Variants in TP73 observed in about 807,000 individuals in gnomAD.
The protein encoded by TP73 is tumor protein p73.
TP73 carries 25 observed loss-of-function variants against 62.5 expected under a neutral mutation model. The observed-to-expected ratio is 0.40, with a 90% confidence interval of 0.29 to 0.56. The LOEUF (loss-of-function observed/expected upper bound fraction) is 0.56, where lower values mean the gene tolerates loss of function less well. TP73 is among the 20% of genes least tolerant of loss of function. The probability of loss-of-function intolerance (pLI) is 0.46; values close to 1 mark genes in which losing one functional copy is unlikely to be tolerated. For synonymous variants in TP73, 423 were observed against 377.5 expected (o/e 1.12, Z -1.40); for missense variants, 754 against 913.3 (o/e 0.83, Z 2.25).
intron 3 of TP73, among the ~76,000 whole-genome samples, chr1:3,685,351 T>C (rs1259356746): frequency 6.6e-6 from 1 of 152,124 alleles, no homozygotes; most frequent in Non-Finnish European, 1.5e-5. Context: ...AGGGTGACAG[T>C]GGGAGCCTCG....
rs967366512 is a variant in TP73, at chr1:3,699,026, C to T, written c.187-8523C>T. Among the ~76,000 whole-genome samples the T allele has an allele frequency of 4.0e-5, 6 of 148,490 alleles. No individual in the cohort carries two copies. The highest frequency in any genetic ancestry group is 7.4e-5 in the Non-Finnish European group (5 of 67,982). ...ATTGGGCAAGGCCTCGCCTCAGCCC[C>T]GGGTGAGAGCAGAGGGTGCTGTGGG... On this transcript the variant is annotated intron_variant, in intron 3 of 13. Transcript: ENST00000378295. The surrounding 1 kb of genome is among the most constrained non-coding windows in gnomAD (Gnocchi z 4.1).
Position 3,701,178 on chromosome 1 carries a change from C to T in TP73, c.187-6371C>T, listed in dbSNP as rs922134655. ...CTGGCTATCTGGACACCTCGGGGAACAGGAGAGACCCCGACCCCTGTGAGC... is the reference window on the plus strand; with the variant it reads ...CTGGCTATCTGGACACCTCGGGGAATAGGAGAGACCCCGACCCCTGTGAGC... On this transcript the variant is annotated intron_variant, in intron 3 of 13. Transcript: ENST00000378295. The surrounding 1 kb of genome is among the most constrained non-coding windows in gnomAD (Gnocchi z 4.7). Among the ~76,000 whole-genome samples the T allele has an allele frequency of 5.3e-5, 8 of 152,314 alleles. No homozygotes were observed. Among genetic ancestry groups the T allele is most frequent in the African/African-American group, 1.9e-4 (8 of 41,570 alleles).
chr1:3,697,614 G>A lies in TP73; in HGVS notation c.187-9935G>A, dbSNP rs143661546. On this transcript the variant is annotated intron_variant, in intron 3 of 13. Transcript: ENST00000378295. Reference sequence around the variant, plus strand: ...TTTACTGTCGTCAGCATGGAGGGCCGGGGTCGTGTCTCGTGCCGGCTGCCA... The same window carrying A: ...TTTACTGTCGTCAGCATGGAGGGCCAGGGTCGTGTCTCGTGCCGGCTGCCA... Among the ~76,000 whole-genome samples, 821 of 152,358 alleles carry A rather than the reference G, an allele frequency of 5.4e-3. 3 individuals carry two copies. Among genetic ancestry groups the A allele is most frequent in the Non-Finnish European group, 8.8e-3 (599 of 68,032 alleles).
chr1:3,664,211 G>A (rs750845199), intron 1 of TP73, among the ~76,000 whole-genome samples: 13 of 152,336 alleles, frequency 8.5e-5, no homozygotes, highest in East Asian at 3.9e-4. Flanking sequence ...GGCCTGAGCC[G>A]GCAGGGCTTC....
At chr1:3,693,607 A>G (rs1014669130) in intron 3 of TP73, among the ~76,000 whole-genome samples, 14 of 152,208 alleles carry the variant, frequency 9.2e-5, no homozygotes, top group Middle Eastern at 3.4e-3. Flanking sequence ...GCGGGGCCCA[A>G]TGGGAGCCAC....
rs943028267 is a variant in TP73, at chr1:3,699,652, C to T, written c.187-7897C>T. On this transcript the variant is annotated intron_variant, in intron 3 of 13. Coordinates refer to ENST00000378295, the MANE Select transcript of TP73 (RefSeq NM_005427.4). This position sits in a 1 kb window ranked among gnomAD's most constrained non-coding sequence, Gnocchi z 4.1. ...GATGAAGAAGAGCATGTCTCTGCCC[C>T]GTCTGGAGCTCCCGGTTCCTGTCCT... Among the ~76,000 whole-genome samples the T allele has an allele frequency of 6.6e-6, 1 of 152,208 alleles. No individual in the cohort carries two copies.
chr1:3,682,514 G>A (rs1645549242), intron 2 of TP73, 84 bp downstream of exon 2: 1 of 1,308,090 alleles, frequency 7.6e-7, no homozygotes, highest in Non-Finnish European at 1.0e-6. Flanking sequence ...TGGGCTAACT[G>A]GGCCAGAGCA....
intron 3 of TP73, among the ~76,000 whole-genome samples, chr1:3,705,190 G>A (rs186556858): frequency 2.8e-3 from 432 of 152,354 alleles, no homozygotes; most frequent in Middle Eastern, 0.01. Flanking sequence ...GCGTCCCCCC[G>A]TGATGTTTTT....
chr1:3,732,915 A>C lies in TP73; in HGVS notation c.1747A>C (p.Met583Leu). Residue 583 changes from methionine to leucine, a missense_variant, in exon 14 of 14, where the codon ATG becomes CTG. This residue lies in a region of TP73 where 458 missense variants were observed against 528.7 expected (regional missense o/e 0.87). Coordinates refer to ENST00000378295, the MANE Select transcript of TP73 (RefSeq NM_005427.4). ...AGGGGAACTGCAGCGCCAGCGGGTC[A>C]TGGAGGCCGTGCACTTCCGCGTGCG... The part of the protein sequence containing the change: ...GSGELQRQRV[M>L]EAVHFRVRHT... 6.2e-7 allele frequency: 1 copy of C among 1,611,056 alleles called. No homozygotes were observed. Among genetic ancestry groups the C allele is most frequent in the Non-Finnish European group, 8.5e-7 (1 of 1,179,566 alleles).
chr1:3,676,057 G>A (rs1645358548), intron 1 of TP73, among the ~76,000 whole-genome samples: 1 of 151,872 alleles, frequency 6.6e-6, no homozygotes, highest in African/African-American at 2.4e-5. Flanking sequence ...ACTGGGGACA[G>A]GGGACAAGGA....
intron 3 of TP73, among the ~76,000 whole-genome samples, chr1:3,692,187 G>A (rs941219727): frequency 3.3e-5 from 5 of 152,230 alleles, no homozygotes; most frequent in South Asian, 2.1e-4. Context: ...AGGTGCTCAC[G>A]TGTGTCCGTA....
In TP73 at chr1:3,731,422, C is replaced by T. The variant is rs202211619; in HGVS notation, c.1485-41C>T. Reference sequence around the variant, plus strand: ...ATGGGGGCTCGCGCAGCCCTGTGCTCGGAAGCTAATGCTGCTTCCTTTCTC... The same window carrying T: ...ATGGGGGCTCGCGCAGCCCTGTGCTTGGAAGCTAATGCTGCTTCCTTTCTC... On this transcript the variant is annotated intron_variant, in intron 12 of 13. Transcript: ENST00000378295. 8.1e-5 allele frequency: 129 copies of T among 1,584,798 alleles called. No homozygotes were observed. The African/African-American group carries it at 1.3e-3, about 16-fold the overall frequency.
intron 4 of TP73, among the ~76,000 whole-genome samples, chr1:3,713,845 T>C (rs1392097735): frequency 1.3e-5 from 2 of 152,116 alleles, no homozygotes; most frequent in East Asian, 3.9e-4. Flanking sequence ...GGGGTTACGA[T>C]GGGGCTGCAG....
chr1:3,719,878 C>CT (rs1383967752), intron 4 of TP73, among the ~76,000 whole-genome samples: 2 of 140,990 alleles, frequency 1.4e-5, no homozygotes, highest in Admixed American at 7.3e-5. Context: ...TTCTGCTTTT[C>CT]TTTTTTTCTC....
At chr1:3,656,118 G>A (rs560449150) in intron 1 of TP73, among the ~76,000 whole-genome samples, 5 of 151,808 alleles carry the variant, frequency 3.3e-5, no homozygotes, top group Admixed American at 1.3e-4. Context: ...GGAGCTTGCA[G>A]TGAGCTGAGA....
Position 3,700,330 on chromosome 1 carries a change from A to G in TP73, c.187-7219A>G, listed in dbSNP as rs550047983. Among the ~76,000 whole-genome samples, 7 of 152,232 alleles carry G rather than the reference A, an allele frequency of 4.6e-5. 1 individual carries two copies. The highest frequency in any genetic ancestry group is 1.7e-4 in the African/African-American group (7 of 41,538). On this transcript the variant is annotated intron_variant, in intron 3 of 13. Coordinates refer to ENST00000378295, the MANE Select transcript of TP73 (RefSeq NM_005427.4). Reference sequence around the variant, plus strand: ...AAAAATACGTTCCGTTCTGGACAGTACCACATCTGTCCCCTGTCATCCGAT... The same window carrying G: ...AAAAATACGTTCCGTTCTGGACAGTGCCACATCTGTCCCCTGTCATCCGAT...
At chr1:3,717,371 G>T (rs1640694157) in intron 4 of TP73, among the ~76,000 whole-genome samples, 1 of 152,242 alleles carries the variant, frequency 6.6e-6, no homozygotes, top group South Asian at 2.1e-4. Context: ...AGCGTGGGGA[G>T]GGATGGGCAC....
At chr1:3,689,595 G>A (rs1219697224) in intron 3 of TP73, among the ~76,000 whole-genome samples, 1 of 152,282 alleles carries the variant, frequency 6.6e-6, no homozygotes, top group Admixed American at 6.5e-5. Context: ...TCTCCCGGGG[G>A]TGGGGGTGGG....
chr1:3,710,210 TG>T (rs1173252326), intron 4 of TP73, among the ~76,000 whole-genome samples: 3 of 38,960 alleles, frequency 7.7e-5, no homozygotes, highest in African/African-American at 1.3e-4. Flanking sequence ...GGGGGGAGGG[TG>T]GGGGGGCGCG....
Sources: gnomAD v4.1 joint callset for allele counts (sites outside exome capture counted in the v4.1 genomes callset) on GRCh38, gnomAD v4.1.1 for gene constraint, gnomAD v4.1.1 regional missense constraint, Gnocchi (gnomAD v3.1) non-coding constraint, MANE v1.5 for transcripts, NCBI Gene and HGNC (gene_info 2026-07-23, HGNC 2026-07-21) for gene names.